Variants in DPP10 observed in about 807,000 individuals in gnomAD.
DPP10 encodes the protein inactive dipeptidyl peptidase 10.
In DPP10, 33 loss-of-function variants were observed where a neutral mutation model predicts 120.9. The ratio of observed to expected loss-of-function variants is 0.27; its 90% CI spans 0.21 to 0.37. The LOEUF is 0.37. Ranked by LOEUF, DPP10 falls within the 10% of genes least tolerant of loss-of-function variation. DPP10 has a pLI of 1.00. For synonymous variants in DPP10, 337 were observed against 326.1 expected (o/e 1.03, Z -0.36); for missense variants, 816 against 942.8 (o/e 0.87, Z 1.76).
At chr2:114,705,053 G>A (rs1260252125) in intron 1 of DPP10, among the ~76,000 whole-genome samples, 1 of 152,114 alleles carries the variant, frequency 6.6e-6, no homozygotes, top group Non-Finnish European at 1.5e-5. Context: ...CTTGAAAAAT[G>A]TAATTTATGC....
chr2:115,799,004 G>A (rs1420876286), intron 19 of DPP10, among the ~76,000 whole-genome samples: 1 of 152,046 alleles, frequency 6.6e-6, no homozygotes, highest in African/African-American at 2.4e-5. Flanking sequence ...GTAACATGGA[G>A]GAAGCATAAT....
intron 3 of DPP10, among the ~76,000 whole-genome samples, chr2:115,393,173 C>T (rs1433460685): frequency 1.3e-5 from 2 of 151,896 alleles, no homozygotes; most frequent in Admixed American, 6.6e-5. Flanking sequence ...ATTAGCTGGA[C>T]ATGGTAGTGC....
At chr2:115,206,337 G>A (rs2056126693) in intron 1 of DPP10, among the ~76,000 whole-genome samples, 1 of 152,092 alleles carries the variant, frequency 6.6e-6, no homozygotes, top group African/African-American at 2.4e-5. Context: ...GCATTTTCTA[G>A]TGTGACTTTC....
intron 19 of DPP10, among the ~76,000 whole-genome samples, chr2:115,814,219 A>G (rs1008459614): frequency 3.9e-5 from 6 of 152,220 alleles, no homozygotes; most frequent in African/African-American, 1.4e-4. Context: ...AATTTTTCTC[A>G]CTGCTTGTTT....
intron 1 of DPP10, among the ~76,000 whole-genome samples, chr2:115,076,066 T>C (rs2104466318): frequency 6.6e-6 from 1 of 152,284 alleles, no homozygotes; most frequent in Non-Finnish European, 1.5e-5. Flanking sequence ...GAGACATTTC[T>C]TAACCTCCCA....
chr2:115,676,199 A>G (rs1337282426), intron 5 of DPP10, among the ~76,000 whole-genome samples: 2 of 152,146 alleles, frequency 1.3e-5, no homozygotes, highest in Non-Finnish European at 2.9e-5. Flanking sequence ...TGGTATCCCC[A>G]CCTCTGAGCA....
chr2:114,449,389 G>A (rs1678123586), intron 1 of DPP10, among the ~76,000 whole-genome samples: 1 of 152,058 alleles, frequency 6.6e-6, no homozygotes, highest in African/African-American at 2.4e-5. Context: ...ATTTAAGCTG[G>A]GGGATAAGCT....
chr2:115,777,866 A>T (rs1226966158), intron 15 of DPP10, 32 bp downstream of exon 15: 1 of 1,600,434 alleles, frequency 6.2e-7, no homozygotes, highest in African/African-American at 1.3e-5. Context: ...CCTTACACAG[A>T]TTGGCTTCTC....
At chr2:115,458,402 A>G (rs843417) in intron 3 of DPP10, among the ~76,000 whole-genome samples, 150,308 of 152,212 alleles carry the variant, frequency 0.99, 74,248 homozygotes, top group East Asian at 1. Flanking sequence ...TTGTTTAGAC[A>G]CTACTTTTGA....
chr2:115,155,990 T>C lies in DPP10; in HGVS notation c.61-153249T>C, dbSNP rs1036249030. Among the ~76,000 whole-genome samples, 119 of 152,334 alleles carry C rather than the reference T, an allele frequency of 7.8e-4. 1 individual carries two copies. The highest frequency in any genetic ancestry group is 3.4e-3 in the Middle Eastern group (1 of 294). On this transcript the variant is annotated intron_variant, in intron 1 of 25. Transcript: ENST00000410059. ...TGTGACTTTAGTAAATATTTAGATA[T>C]GCAGGATAGAAACTGAGTGACTTAA...
chr2:115,096,009 T>C (rs1385882091), intron 1 of DPP10, among the ~76,000 whole-genome samples: 3 of 152,164 alleles, frequency 2.0e-5, no homozygotes, highest in Non-Finnish European at 4.4e-5. Flanking sequence ...GTCTTATCTA[T>C]CTTTACAATG....
At chr2:115,650,440 G>A (rs1276426228) in intron 5 of DPP10, among the ~76,000 whole-genome samples, 1 of 151,196 alleles carries the variant, frequency 6.6e-6, no homozygotes, top group Non-Finnish European at 1.5e-5. Context: ...CTTGACAACT[G>A]GTAAAGATAA....
chr2:115,187,464 C>T (rs960332093), intron 1 of DPP10, among the ~76,000 whole-genome samples: 9 of 152,236 alleles, frequency 5.9e-5, no homozygotes, highest in South Asian at 2.1e-4. Flanking sequence ...AAGCAGAGAG[C>T]GACAAAGACA....
chr2:114,993,548 T>C (rs1700874212), intron 1 of DPP10, among the ~76,000 whole-genome samples: 1 of 136,896 alleles, frequency 7.3e-6, no homozygotes. Flanking sequence ...ATGTAGATAA[T>C]GGATGGATTC....
chr2:114,715,748 C>A (rs1701305403), intron 1 of DPP10, among the ~76,000 whole-genome samples: 1 of 151,978 alleles, frequency 6.6e-6, no homozygotes, highest in Non-Finnish European at 1.5e-5. Flanking sequence ...CACACACATC[C>A]AGACATCACC....
intron 1 of DPP10, among the ~76,000 whole-genome samples, chr2:114,973,966 AATAAG>A (rs755092128): frequency 2.2e-4 from 33 of 152,342 alleles, no homozygotes; most frequent in Non-Finnish European, 3.1e-4. Flanking sequence ...GATATGATTA[AATAAG>A]ATATTTTTGT....
intron 1 of DPP10, among the ~76,000 whole-genome samples, chr2:114,522,793 G>A (rs1405461325): frequency 6.6e-6 from 1 of 152,164 alleles, no homozygotes; most frequent in African/African-American, 2.4e-5. Flanking sequence ...AGAAGGCAAG[G>A]AGGAGCAAGT....
chr2:114,589,827 C>A (rs1401704158), intron 1 of DPP10, among the ~76,000 whole-genome samples: 1 of 151,918 alleles, frequency 6.6e-6, no homozygotes, highest in African/African-American at 2.4e-5. Flanking sequence ...GAGAAAAACT[C>A]CAACCTCTTG....
chr2:115,109,808 C>T (rs978677021), intron 1 of DPP10, among the ~76,000 whole-genome samples: 9 of 152,162 alleles, frequency 5.9e-5, no homozygotes, highest in East Asian at 1.9e-4. Context: ...GGATAGAGGC[C>T]GGACTTTACA....
Sources: allele counts gnomAD v4.1 joint callset (sites outside exome capture counted in the v4.1 genomes callset), GRCh38; gene constraint gnomAD v4.1.1; transcripts MANE v1.5; gene names NCBI Gene and HGNC (gene_info 2026-07-23, HGNC 2026-07-21).